HMGCLL1: variants seen among roughly 807,000 people sequenced by gnomAD.
HMGCLL1 encodes 3-hydroxy-3-methylglutaryl-CoA lyase like 1, also known as 3-hydroxymethyl-3-methylglutaryl-CoA lyase, cytoplasmic.
Under a neutral mutation model 39.1 loss-of-function variants are expected in HMGCLL1, and 36 were observed. The observed-to-expected ratio is 0.92, with a 90% CI of 0.71 to 1.22. HMGCLL1 has a LOEUF of 1.22. Among genes scored for constraint, HMGCLL1 ranks in the 50% most tolerant of loss-of-function variants. HMGCLL1 has a pLI of 0.00. For missense variants in HMGCLL1, 451 were observed against 416.5 expected (o/e 1.08, Z -0.72); for synonymous variants, 149 against 144.0 (o/e 1.03, Z -0.25).
the HMGCLL1 span, among the ~76,000 whole-genome samples, chr6:55,671,049 C>T: frequency 2.0e-5 from 3 of 151,804 alleles, no homozygotes; most frequent in African/African-American, 2.4e-5. Flanking sequence ...AGGAAAATTA[C>T]GCAATGATAA....
the HMGCLL1 span, among the ~76,000 whole-genome samples, chr6:55,620,835 C>T: frequency 6.6e-6 from 1 of 151,996 alleles, no homozygotes; most frequent in Non-Finnish European, 1.5e-5. Flanking sequence ...TTATTCTTCT[C>T]CATATGGTTG....
chr6:55,556,195 A>T (rs1210817049), intron 1 of HMGCLL1, among the ~76,000 whole-genome samples: 1 of 152,220 alleles, frequency 6.6e-6, no homozygotes, highest in Non-Finnish European at 1.5e-5. Flanking sequence ...ACTTACAGAC[A>T]ATAGCAAAAA....
chr6:55,645,726 C>T, the HMGCLL1 span, among the ~76,000 whole-genome samples: 19 of 151,898 alleles, frequency 1.3e-4, no homozygotes, highest in Non-Finnish European at 2.7e-4. Flanking sequence ...TTGAACCATC[C>T]TTGCATCCTT....
intron 3 of HMGCLL1, among the ~76,000 whole-genome samples, chr6:55,538,963 T>G (rs1225807164): frequency 6.6e-6 from 1 of 152,192 alleles, no homozygotes; most frequent in Non-Finnish European, 1.5e-5. Context: ...AATCCTATTT[T>G]GGCTTCTGTT....
At chr6:55,676,805 C>G in the HMGCLL1 span, among the ~76,000 whole-genome samples, 1 of 152,236 alleles carries the variant, frequency 6.6e-6, no homozygotes, top group Non-Finnish European at 1.5e-5. Flanking sequence ...AAAAGAGTGT[C>G]TTAATAAATG....
intron 7 of HMGCLL1, among the ~76,000 whole-genome samples, chr6:55,452,433 T>C (rs527522853): frequency 1.3e-5 from 2 of 152,280 alleles, no homozygotes; most frequent in South Asian, 4.1e-4. Context: ...CAATCTCTAG[T>C]AAAATGAGAA....
At chr6:55,581,082 C>T (rs1281126158), upstream of HMGCLL1, among the ~76,000 whole-genome samples, 1 of 151,980 alleles carries the variant, frequency 6.6e-6, no homozygotes, top group African/African-American at 2.4e-5. Flanking sequence ...CATTCTAAAC[C>T]TCAAAAAGGA....
At chr6:55,579,264 G>A (rs1057208545), upstream of HMGCLL1, 10 of 590,854 alleles carry the variant, frequency 1.7e-5, no homozygotes, top group Admixed American at 3.0e-5. Flanking sequence ...GCGGGTGCAC[G>A]GGGCACCTGC....
chr6:55,627,899 A>ATT, the HMGCLL1 span, among the ~76,000 whole-genome samples: 4 of 21,646 alleles, frequency 1.8e-4, no homozygotes, highest in East Asian at 5.5e-3. Flanking sequence ...ATATATATAT[A>ATT]GTATATATAC....
the HMGCLL1 span, among the ~76,000 whole-genome samples, chr6:55,672,294 T>C: frequency 1.3e-5 from 2 of 151,634 alleles, no homozygotes; most frequent in African/African-American, 2.4e-5. Flanking sequence ...AAATTTTATG[T>C]CATCTGTATC....
At chr6:55,504,169 T>G (rs1767037503) in intron 5 of HMGCLL1, among the ~76,000 whole-genome samples, 1 of 151,738 alleles carries the variant, frequency 6.6e-6, no homozygotes, top group African/African-American at 2.4e-5. Flanking sequence ...AAAGTAAGCT[T>G]CTTTCTATTA....
chr6:55,546,058 C>A (rs1769950461), intron 1 of HMGCLL1, among the ~76,000 whole-genome samples: 1 of 152,086 alleles, frequency 6.6e-6, no homozygotes, highest in African/African-American at 2.4e-5. Context: ...CTTTCTATGG[C>A]TGTTTGCTAG....
rs147590438 is a variant in HMGCLL1 at position 55,443,326 on chromosome 6, G to A, written c.796-3767C>T. On this transcript the variant is annotated intron_variant, in intron 7 of 8. Transcript: ENST00000274901. Reference sequence around the variant, plus strand: ...GTAGCAAAAGTCAGAGGAATCAGCCGGATAGATGAGAAATGGCTTCAGCCC... The same window carrying A: ...GTAGCAAAAGTCAGAGGAATCAGCCAGATAGATGAGAAATGGCTTCAGCCC... Among the ~76,000 whole-genome samples, 15 of 152,212 alleles carry A rather than the reference G, an allele frequency of 9.9e-5. No individual in the cohort carries two copies. The East Asian group carries it at 2.3e-3, about 24-fold the overall frequency.
chr6:55,647,398 T>A, the HMGCLL1 span, among the ~76,000 whole-genome samples: 1 of 151,978 alleles, frequency 6.6e-6, no homozygotes, highest in Non-Finnish European at 1.5e-5. Context: ...AAATTCAATG[T>A]TATTATTGAT....
chr6:55,608,396 C>T, the HMGCLL1 span, among the ~76,000 whole-genome samples: 5 of 152,004 alleles, frequency 3.3e-5, no homozygotes, highest in South Asian at 2.1e-4. Flanking sequence ...TTCGCCCTTG[C>T]CCTGGTCCAG....
At chr6:55,442,323 A>G (rs184305045) in intron 7 of HMGCLL1, among the ~76,000 whole-genome samples, 5 of 152,170 alleles carry the variant, frequency 3.3e-5, no homozygotes, top group Admixed American at 3.3e-4. Context: ...ACTTATTCTA[A>G]CATGTATTTA....
At chr6:55,442,565 A>C (rs1161276028) in intron 7 of HMGCLL1, among the ~76,000 whole-genome samples, 1 of 152,118 alleles carries the variant, frequency 6.6e-6, no homozygotes, top group Middle Eastern at 3.2e-3. Flanking sequence ...CTCACAAAGG[A>C]AGAACTACAG....
the HMGCLL1 span, among the ~76,000 whole-genome samples, chr6:55,628,208 A>G: frequency 1.2e-4 from 11 of 93,864 alleles, no homozygotes; most frequent in Non-Finnish European, 2.0e-4. Context: ...AGTATATCCT[A>G]TCAGTTCTGT....
chr6:55,435,836 A>G, intron 8 of HMGCLL1, 73 bp from the exon 9 acceptor site: 1 of 675,386 alleles, frequency 1.5e-6, no homozygotes. Flanking sequence ...TAGCCTTTTA[A>G]ATTTTATTAG....
Sources: allele counts gnomAD v4.1 joint callset (sites outside exome capture counted in the v4.1 genomes callset), GRCh38; gene constraint gnomAD v4.1.1; transcripts MANE v1.5; gene names NCBI Gene and HGNC (gene_info 2026-07-23, HGNC 2026-07-21).